The following GPHN variants were observed in gnomAD, a reference collection of about 807,000 sequenced individuals.
GPHN encodes the protein gephyrin.
GPHN carries 17 observed loss-of-function variants against 95.5 expected under a neutral mutation model. That is an observed-to-expected ratio of 0.18 (90% CI 0.12 to 0.27). The LOEUF is 0.27. Ranked by LOEUF, GPHN falls within the 10% of genes least tolerant of loss-of-function variation. GPHN has a pLI of 1.00. For missense variants in GPHN, 660 were observed against 978.1 expected (o/e 0.67, Z 4.34); for synonymous variants, 320 against 322.5 (o/e 0.99, Z 0.08).
At chr14:67,110,026 G>GT in intron 13 of GPHN, 114 bp from the exon 14 acceptor site, 1 of 931,588 alleles carries the variant, frequency 1.1e-6, no homozygotes, top group Non-Finnish European at 1.7e-6. Flanking sequence ...GAATAAGACT[G>GT]TAAGACTTTC....
At chr14:67,583,558 T>C in the GPHN span, among the ~76,000 whole-genome samples, 1 of 152,226 alleles carries the variant, frequency 6.6e-6, no homozygotes, top group Non-Finnish European at 1.5e-5. Context: ...TCGAGGGCCC[T>C]AAGTTTGTTT....
At chr14:66,683,900 C>T (rs1474018189) in intron 2 of GPHN, among the ~76,000 whole-genome samples, 2 of 151,504 alleles carry the variant, frequency 1.3e-5, no homozygotes, top group East Asian at 2.0e-4. Flanking sequence ...TGGCATGAAC[C>T]CAGAGGCAGA....
chr14:66,842,447 C>A (rs1347951504), intron 4 of GPHN, among the ~76,000 whole-genome samples: 2 of 152,092 alleles, frequency 1.3e-5, no homozygotes, highest in Admixed American at 1.3e-4. Flanking sequence ...TACCTCCTTG[C>A]TGGAAACTGT....
intron 16 of GPHN, 27 bp downstream of exon 16, chr14:67,113,198 G>A (rs1292365716): frequency 1.3e-6 from 2 of 1,590,970 alleles, no homozygotes; most frequent in East Asian, 2.2e-5. Flanking sequence ...TGGAGGGAGT[G>A]GGGAGAGGGC....
chr14:67,323,257 GTGTGTA>G, the GPHN span, among the ~76,000 whole-genome samples: 11 of 134,594 alleles, frequency 8.2e-5, no homozygotes, highest in Non-Finnish European at 1.5e-4. Context: ...GTGTGTGTGT[GTGTGTA>G]TATATATATA....
At chr14:67,439,593 C>CTTTCTTT in the GPHN span, among the ~76,000 whole-genome samples, 78 of 109,850 alleles carry the variant, frequency 7.1e-4, 2 homozygotes, top group East Asian at 8.6e-3. Flanking sequence ...TTCTTTCTTT[C>CTTTCTTT]TTCTTTCTTT....
the GPHN span, among the ~76,000 whole-genome samples, chr14:67,255,664 A>G: frequency 6.6e-6 from 1 of 152,092 alleles, no homozygotes; most frequent in Admixed American, 6.6e-5. Flanking sequence ...AGAACGCTTG[A>G]AAGAGTTTTG....
the GPHN span, among the ~76,000 whole-genome samples, chr14:67,441,316 A>G: frequency 6.6e-5 from 10 of 152,218 alleles, no homozygotes; most frequent in South Asian, 1.9e-3. Flanking sequence ...AATGAAGATG[A>G]TTTGTGACAG....
intron 1 of GPHN, among the ~76,000 whole-genome samples, chr14:66,617,499 A>G (rs938591472): frequency 2.0e-5 from 3 of 152,132 alleles, no homozygotes; most frequent in African/African-American, 7.2e-5. Flanking sequence ...CTGCCATACC[A>G]CACTGTTCTT....
At chr14:67,423,563 C>T in the GPHN span, among the ~76,000 whole-genome samples, 2 of 152,006 alleles carry the variant, frequency 1.3e-5, no homozygotes, top group Admixed American at 1.3e-4. Flanking sequence ...AAGTGGGCAT[C>T]AGGGTGCTCA....
intron 10 of GPHN, among the ~76,000 whole-genome samples, chr14:67,054,867 T>C (rs1594955961): frequency 6.6e-6 from 1 of 152,202 alleles, no homozygotes; most frequent in Non-Finnish European, 1.5e-5. Context: ...ATTTAATAAA[T>C]GGTGCTGGGA....
chr14:67,065,757 C>CTTTTTTTTTTTTTTTTTTTT (rs201638278), intron 11 of GPHN, among the ~76,000 whole-genome samples: 1 of 128,530 alleles, frequency 7.8e-6, no homozygotes. Context: ...GCAACCCCTG[C>CTTTTTTTTTTTTTTTTTTTT]TTTTTTTTTT....
intron 8 of GPHN, among the ~76,000 whole-genome samples, chr14:66,946,673 G>A (rs2067778203): frequency 6.6e-6 from 1 of 152,054 alleles, no homozygotes; most frequent in Non-Finnish European, 1.5e-5. Flanking sequence ...AAAGTGCTCG[G>A]ATTACAGACG....
At chr14:67,194,572 C>A in the GPHN span, among the ~76,000 whole-genome samples, 1 of 152,032 alleles carries the variant, frequency 6.6e-6, no homozygotes, top group Admixed American at 6.6e-5. Flanking sequence ...GTGGCACAAT[C>A]TTGGCTCACT....
intron 4 of GPHN, among the ~76,000 whole-genome samples, chr14:66,854,478 A>G (rs1353759169): frequency 6.6e-6 from 1 of 152,226 alleles, no homozygotes; most frequent in Non-Finnish European, 1.5e-5. Flanking sequence ...ACTTTTAGCA[A>G]TTTAGATAAA....
chr14:66,788,667 G>GT (rs1048377049), intron 3 of GPHN, among the ~76,000 whole-genome samples: 3 of 151,922 alleles, frequency 2.0e-5, no homozygotes, highest in Non-Finnish European at 4.4e-5. Flanking sequence ...TTTTGTTTAT[G>GT]TTTTTTTGAG....
intron 1 of GPHN, among the ~76,000 whole-genome samples, chr14:66,641,110 G>C (rs1454680197): frequency 6.6e-6 from 1 of 152,118 alleles, no homozygotes; most frequent in African/African-American, 2.4e-5. Context: ...ATCCAATAAG[G>C]TAGACTATAA....
intron 1 of GPHN, among the ~76,000 whole-genome samples, chr14:66,531,801 T>A (rs1396842579): frequency 6.6e-6 from 1 of 152,196 alleles, no homozygotes; most frequent in Non-Finnish European, 1.5e-5. Flanking sequence ...GTTCACATTT[T>A]AAGGTATTTT....
intron 4 of GPHN, among the ~76,000 whole-genome samples, chr14:66,834,934 C>A (rs1209531187): frequency 1.4e-5 from 2 of 140,946 alleles, no homozygotes; most frequent in African/African-American, 5.3e-5. Context: ...AATTTCAGAT[C>A]CTGTTATTGG....
Sources: gnomAD v4.1 joint callset for allele counts (sites outside exome capture counted in the v4.1 genomes callset) on GRCh38, gnomAD v4.1.1 for gene constraint, MANE v1.5 for transcripts, NCBI Gene and HGNC (gene_info 2026-07-23, HGNC 2026-07-21) for gene names.